Variants in KIF13B observed in about 807,000 individuals in gnomAD.
KIF13B encodes kinesin-like protein KIF13B.
Under a neutral mutation model 222.0 loss-of-function variants are expected in KIF13B, and 127 were observed. That is an observed-to-expected ratio of 0.57 (90% CI 0.50 to 0.66). The LOEUF is 0.66. Among genes scored for constraint, KIF13B ranks in the 30% least tolerant of loss-of-function variants. KIF13B has a pLI of 0.00. For synonymous variants in KIF13B, 976 were observed against 919.0 expected (o/e 1.06, Z -1.12); for missense variants, 2,173 against 2,379.0 (o/e 0.91, Z 1.80).
intron 13 of KIF13B, 49 bp from the exon 14 acceptor site, chr8:29,155,905 A>T (rs1314940224): frequency 7.0e-7 from 1 of 1,421,652 alleles, no homozygotes; most frequent in East Asian, 2.5e-5. Flanking sequence ...TTACATATAC[A>T]CAATTGAAAT....
intron 30 of KIF13B, 43 bp from the exon 31 acceptor site, chr8:29,117,050 GAAACATGAAAACTCTTTCAAGGA>G: frequency 6.7e-7 from 1 of 1,498,260 alleles, no homozygotes. Flanking sequence ...CTCTTCTCCA[GAAACATGAAAACTCTTTCAAGGA>G]AACCACCTTG....
intron 6 of KIF13B, among the ~76,000 whole-genome samples, chr8:29,182,485 G>A (rs1191023594): frequency 1.3e-5 from 2 of 152,096 alleles, no homozygotes; most frequent in African/African-American, 2.4e-5. Flanking sequence ...AGAGCCATGC[G>A]CTTTAATCAC....
chr8:29,176,695 A>C (rs188838784), intron 9 of KIF13B, among the ~76,000 whole-genome samples: 105 of 152,314 alleles, frequency 6.9e-4, no homozygotes, highest in African/African-American at 2.5e-3. Context: ...TGATAAACAA[A>C]ATATTACTTC....
At chr8:29,200,199 A>C (rs1813631610) in intron 2 of KIF13B, among the ~76,000 whole-genome samples, 1 of 152,198 alleles carries the variant, frequency 6.6e-6, no homozygotes, top group African/African-American at 2.4e-5. Flanking sequence ...AAGGCATGGG[A>C]CACCCAAAGA....
intron 6 of KIF13B, among the ~76,000 whole-genome samples, chr8:29,184,444 C>T (rs6987430): frequency 0.51 from 77,952 of 151,892 alleles, 21,250 homozygotes; most frequent in African/African-American, 0.69. Context: ...TCTATCTTCA[C>T]AACAGCCCTC....
intron 3 of KIF13B, among the ~76,000 whole-genome samples, chr8:29,191,418 T>C (rs1427524455): frequency 1.3e-5 from 2 of 152,200 alleles, no homozygotes; most frequent in East Asian, 3.8e-4. Flanking sequence ...GAAAAAGATA[T>C]TTTTTAAATA....
At chr8:29,209,885 C>CAAAAAAAAAAAAAA (rs11414197) in intron 2 of KIF13B, among the ~76,000 whole-genome samples, 1 of 107,510 alleles carries the variant, frequency 9.3e-6, no homozygotes. Context: ...TACCTCTCCA[C>CAAAAAAAAAAAAAA]AAAAAAAAAA....
intron 8 of KIF13B, among the ~76,000 whole-genome samples, chr8:29,178,479 A>G (rs1414555321): frequency 6.6e-6 from 1 of 152,172 alleles, no homozygotes; most frequent in Non-Finnish European, 1.5e-5. Context: ...AAGCACATAC[A>G]TGTAACATAC....
At chr8:29,217,020 C>T (rs184766238) in intron 2 of KIF13B, among the ~76,000 whole-genome samples, 2 of 152,050 alleles carry the variant, frequency 1.3e-5, no homozygotes, top group African/African-American at 4.8e-5. Flanking sequence ...AATACTTATT[C>T]CTCGTTCCTC....
chr8:29,173,071 C>T (rs1034107040), intron 10 of KIF13B, among the ~76,000 whole-genome samples: 24 of 152,050 alleles, frequency 1.6e-4, no homozygotes, highest in African/African-American at 5.8e-4. Flanking sequence ...TGCACCACCA[C>T]ACCCAGCTAA....
chr8:29,157,628 C>T (rs1373209552), intron 13 of KIF13B, among the ~76,000 whole-genome samples: 1 of 151,818 alleles, frequency 6.6e-6, no homozygotes, highest in Non-Finnish European at 1.5e-5. Flanking sequence ...TGGCTTGAAC[C>T]TGGGAGGTGG....
At chr8:29,173,362 CTG>C (rs1812332480) in intron 10 of KIF13B, among the ~76,000 whole-genome samples, 1 of 151,892 alleles carries the variant, frequency 6.6e-6, no homozygotes, top group Non-Finnish European at 1.5e-5. Context: ...TGACTCACAA[CTG>C]TAATCCTGGC....
intron 36 of KIF13B, among the ~76,000 whole-genome samples, chr8:29,094,452 A>T (rs1808432600): frequency 6.6e-6 from 1 of 152,214 alleles, no homozygotes; most frequent in Admixed American, 6.5e-5. Flanking sequence ...AAAATTTAAC[A>T]CGTATGGTAA....
At position 29,132,272 on chromosome 8, in the gene KIF13B, T is replaced by C. The variant is rs9644054; in HGVS notation, c.2942+36A>G. The C allele has an allele frequency of 0.16, 216,740 of 1,360,482 alleles. 18,908 individuals carry two copies. Among genetic ancestry groups the C allele is most frequent in the Admixed American group, 0.34 (11,967 of 35,666 alleles). The allele number at this position is 1,360,482 out of a possible 1,614,324, so 84.3% of individuals were successfully genotyped here. ...CAAAAAACAAAAAAAAAATTACATA[T>C]ATATAAATGGAATCAGATGAACATC... is the stretch of plus-strand genomic sequence containing the variant. On this transcript the variant is annotated intron_variant, in intron 23 of 39. Transcript: ENST00000524189.
At chr8:29,186,186 T>G in intron 6 of KIF13B, 106 bp downstream of exon 6, 1 of 837,560 alleles carries the variant, frequency 1.2e-6, no homozygotes, top group Non-Finnish European at 1.9e-6. Flanking sequence ...GAAGCCTATG[T>G]GACAGAGCGA....
chr8:29,093,892 A>G (rs1294333704), intron 36 of KIF13B, among the ~76,000 whole-genome samples: 2 of 152,246 alleles, frequency 1.3e-5, no homozygotes, highest in Non-Finnish European at 2.9e-5. Flanking sequence ...CAGCAAGACA[A>G]AAACAAGGAT....
intron 37 of KIF13B, among the ~76,000 whole-genome samples, chr8:29,087,530 T>G (rs919182047): frequency 6.6e-6 from 1 of 152,172 alleles, no homozygotes; most frequent in African/African-American, 2.4e-5. Flanking sequence ...AGTAGTACAG[T>G]GACAAGAGTA....
At chr8:29,146,601 G>A (rs1811071873) in intron 17 of KIF13B, 61 bp from the exon 18 acceptor site, 8 of 1,469,416 alleles carry the variant, frequency 5.4e-6, no homozygotes, top group Non-Finnish European at 6.5e-6. Context: ...CAGCTAGTCA[G>A]AAAATCATAC....
At chr8:29,234,955 A>G (rs779250629) in intron 2 of KIF13B, among the ~76,000 whole-genome samples, 1 of 152,218 alleles carries the variant, frequency 6.6e-6, no homozygotes, top group Non-Finnish European at 1.5e-5. Flanking sequence ...CCTGATTTTT[A>G]AATGTTCCAA....
Sources: gnomAD v4.1 joint callset for allele counts (sites outside exome capture counted in the v4.1 genomes callset) on GRCh38, gnomAD v4.1.1 for gene constraint, MANE v1.5 for transcripts, NCBI Gene and HGNC (gene_info 2026-07-23, HGNC 2026-07-21) for gene names.